TANC1: variants seen among roughly 807,000 people sequenced by gnomAD.
TANC1 encodes the protein tetratricopeptide repeat, ankyrin repeat and coiled-coil containing 1.
A neutral mutation model predicts 149.7 loss-of-function variants in TANC1; 77 were observed. The ratio of observed to expected loss-of-function variants is 0.51; its 90% CI spans 0.43 to 0.62. TANC1 has a LOEUF of 0.62. TANC1 is among the 20% of genes least tolerant of loss of function. TANC1 has a pLI of 0.00. For synonymous variants in TANC1, 854 were observed against 925.0 expected (o/e 0.92, Z 1.39); for missense variants, 1,985 against 2,321.8 (o/e 0.85, Z 2.98).
At chr2:159,164,941 C>T (rs1185448066) in intron 8 of TANC1, among the ~76,000 whole-genome samples, 1 of 152,204 alleles carries the variant, frequency 6.6e-6, no homozygotes, top group Admixed American at 6.5e-5. Flanking sequence ...CTTCCACAAG[C>T]TTTCCTGTCC....
At chr2:159,056,920 C>T (rs899551829) in intron 2 of TANC1, 6 of 241,148 alleles carry the variant, frequency 2.5e-5, no homozygotes, top group South Asian at 6.4e-5. Context: ...ACTACAGGAG[C>T]AGGCAAATGG....
chr2:159,008,299 A>C (rs2037419922), intron 2 of TANC1, among the ~76,000 whole-genome samples: 1 of 152,234 alleles, frequency 6.6e-6, no homozygotes, highest in African/African-American at 2.4e-5. Context: ...TAGCCATAAA[A>C]TCAAGTATCA....
chr2:159,184,599 G>A (rs1317105290), intron 14 of TANC1, among the ~76,000 whole-genome samples: 1 of 152,148 alleles, frequency 6.6e-6, no homozygotes, highest in Non-Finnish European at 1.5e-5. Flanking sequence ...ACATGAACTG[G>A]GCCAGAATGA....
intron 1 of TANC1, among the ~76,000 whole-genome samples, chr2:158,975,133 T>C (rs2033486235): frequency 1.3e-5 from 2 of 152,150 alleles, no homozygotes. Context: ...TTATTCTGTA[T>C]TGTTTTAAAA....
At chr2:159,217,869 A>C (rs2059449949) in intron 20 of TANC1, among the ~76,000 whole-genome samples, 1 of 152,232 alleles carries the variant, frequency 6.6e-6, no homozygotes, top group Admixed American at 6.5e-5. Flanking sequence ...AGACACAGCC[A>C]CTGCCTTCAG....
chr2:159,052,475 C>G (rs573926424), intron 2 of TANC1, among the ~76,000 whole-genome samples: 1 of 152,132 alleles, frequency 6.6e-6, no homozygotes, highest in Admixed American at 6.5e-5. Flanking sequence ...TGGGATGATG[C>G]GGTAAGAAGG....
chr2:159,069,403 T>G (rs1471362773), intron 3 of TANC1, among the ~76,000 whole-genome samples: 1 of 152,152 alleles, frequency 6.6e-6, no homozygotes, highest in Non-Finnish European at 1.5e-5. Flanking sequence ...CTGCTTTATG[T>G]TAGGACCTTG....
intron 7 of TANC1, among the ~76,000 whole-genome samples, chr2:159,154,460 C>T (rs1470112098): frequency 6.6e-6 from 1 of 152,066 alleles, no homozygotes; most frequent in East Asian, 1.9e-4. Context: ...GTTCTGTTTC[C>T]ACTGCTTAGG....
At chr2:159,071,847 T>A (rs907013241) in intron 3 of TANC1, among the ~76,000 whole-genome samples, 1 of 152,216 alleles carries the variant, frequency 6.6e-6, no homozygotes, top group Non-Finnish European at 1.5e-5. Context: ...CAAAAGTGTT[T>A]CCCAAGCAAC....
intron 2 of TANC1, among the ~76,000 whole-genome samples, chr2:159,051,651 TTG>T (rs58015346): frequency 0.3 from 42,923 of 142,562 alleles, 6,887 homozygotes; most frequent in Non-Finnish European, 0.38. Flanking sequence ...GAAGTGGTGT[TTG>T]TGTGTGTGTG....
Position 159,171,871 on chromosome 2 carries a change from A to AAAGAAAG in TANC1, c.1352-248_1352-247insGAAAGAA, listed in dbSNP as rs1553599448. On this transcript the variant is annotated intron_variant, in intron 10 of 26. Transcript: ENST00000263635. ...GACTCCGCCTTAAAAAAAAAAAAAA[A>AAAGAAAG]AAAAGAAAAAGAAAAAAAAAATTTA... is the stretch of plus-strand genomic sequence containing the variant. 1.1e-3 allele frequency among the ~76,000 whole-genome samples: 119 copies of AAAGAAAG among 105,604 alleles called. 6 individuals are homozygous for AAAGAAAG. The Middle Eastern group carries it at 0.059, about 52-fold the overall frequency. 69.3% of individuals were successfully genotyped at this position (105,604 alleles called of 152,430 possible).
At chr2:159,171,125 G>A (rs1428720532) in intron 10 of TANC1, among the ~76,000 whole-genome samples, 1 of 152,178 alleles carries the variant, frequency 6.6e-6, no homozygotes, top group Non-Finnish European at 1.5e-5. Flanking sequence ...AAGGGGTTGG[G>A]CTCCTGGTAG....
Position 159,224,319 on chromosome 2 carries a change from AAC to A in TANC1, c.3770_3771del (p.Thr1257IlefsTer26). The stretch of plus-strand genomic sequence containing the variant: ...CTTGGACAGAGCCATCGGCTGCCGG[AAC>A]ACATCTGTAGTGGTGGCGCTACTCA... ...RPLDRAIGCR[N>X]TSVVVALLRK... On this transcript the variant is annotated frameshift_variant, in exon 23 of 27. Transcript: ENST00000263635. LOFTEE classifies it high-confidence loss of function. 1 of 1,614,166 alleles carries A rather than the reference AAC, an allele frequency of 6.2e-7. No homozygotes were observed. Among genetic ancestry groups the A allele is most frequent in the Non-Finnish European group, 8.5e-7 (1 of 1,180,036 alleles).
At chr2:159,186,771 C>G (rs1280308472) in intron 15 of TANC1, 131 bp from the exon 16 acceptor site, 1 of 1,112,990 alleles carries the variant, frequency 9.0e-7, no homozygotes, top group Non-Finnish European at 1.3e-6. Flanking sequence ...TTGTGTGTGA[C>G]CCCGTGCCTT....
intron 1 of TANC1, among the ~76,000 whole-genome samples, chr2:158,996,888 G>T (rs904315087): frequency 6.6e-6 from 1 of 151,846 alleles, no homozygotes; most frequent in Admixed American, 6.6e-5. Flanking sequence ...AAGAACTTTA[G>T]TGTATGCAAA....
chr2:159,119,480 G>A (rs963446720), intron 4 of TANC1, among the ~76,000 whole-genome samples: 4 of 152,192 alleles, frequency 2.6e-5, no homozygotes. Context: ...ATAAATCATT[G>A]TATATTCAGG....
At chr2:159,184,270 T>C (rs1372400363) in intron 14 of TANC1, among the ~76,000 whole-genome samples, 4 of 152,198 alleles carry the variant, frequency 2.6e-5, no homozygotes, top group African/African-American at 4.8e-5. Flanking sequence ...AACAGAATCA[T>C]GAATGCAGAT....
At chr2:158,982,387 T>C (rs1010080616) in intron 1 of TANC1, among the ~76,000 whole-genome samples, 2 of 152,238 alleles carry the variant, frequency 1.3e-5, no homozygotes, top group African/African-American at 4.8e-5. Flanking sequence ...TGAAACCAGA[T>C]AGACTTTGGT....
At chr2:159,125,613 A>G (rs1275877347) in intron 4 of TANC1, among the ~76,000 whole-genome samples, 1 of 118,170 alleles carries the variant, frequency 8.5e-6, no homozygotes, top group Admixed American at 1.0e-4. Flanking sequence ...CTTTTTTGAC[A>G]GAGTCTTACT....
Sources: allele counts gnomAD v4.1 joint callset (sites outside exome capture counted in the v4.1 genomes callset), GRCh38; gene constraint gnomAD v4.1.1; transcripts MANE v1.5; gene names NCBI Gene and HGNC (gene_info 2026-07-23, HGNC 2026-07-21).